MVB12B: variants seen among roughly 807,000 people sequenced by gnomAD.
MVB12B encodes multivesicular body subunit 12B.
MVB12B carries 16 observed loss-of-function variants against 41.6 expected under a neutral mutation model. That is an observed-to-expected ratio of 0.38 (90% CI 0.26 to 0.58). The LOEUF is 0.58. Ranked by LOEUF, MVB12B falls within the 20% of genes least tolerant of loss-of-function variation. The pLI, the probability that MVB12B is intolerant of heterozygous loss-of-function variation, is 0.62. For missense variants in MVB12B, 274 were observed against 380.2 expected (o/e 0.72, Z 2.32); for synonymous variants, 133 against 139.7 (o/e 0.95, Z 0.34).
At chr9:126,398,446 C>T (rs1254027796) in intron 6 of MVB12B, among the ~76,000 whole-genome samples, 2 of 152,158 alleles carry the variant, frequency 1.3e-5, no homozygotes, top group Non-Finnish European at 2.9e-5. Context: ...AACAGGAATT[C>T]CATTTCCCAC....
chr9:126,354,232 T>TATATG (rs1182848153), intron 2 of MVB12B, among the ~76,000 whole-genome samples: 2 of 152,226 alleles, frequency 1.3e-5, no homozygotes, highest in African/African-American at 4.8e-5. Context: ...TTGCCTGTTA[T>TATATG]ATATGTTACA....
intron 9 of MVB12B, among the ~76,000 whole-genome samples, chr9:126,497,625 A>G (rs372842105): frequency 1.5e-4 from 22 of 151,492 alleles, no homozygotes; most frequent in African/African-American, 5.1e-4. Flanking sequence ...CAAGGAATCC[A>G]CCTCATCTCC....
In MVB12B at chr9:126,365,220, ATT is replaced by A. The variant is rs71377933; in HGVS notation, c.205-15827_205-15826del. 2.8e-3 allele frequency among the ~76,000 whole-genome samples: 348 copies of A among 122,602 alleles called. 2 individuals are homozygous for A. Among genetic ancestry groups the A allele is most frequent in the Admixed American group, 4.1e-3 (48 of 11,666 alleles). 80.4% of individuals were successfully genotyped at this position (122,602 alleles called of 152,430 possible). On this transcript the variant is annotated intron_variant, in intron 2 of 9. Transcript: ENST00000361171. ...AGGTGCCTGCCACCACACCCAGCTA[ATT>A]TTTTTTTTTTTTTTTTGTATTTTTA...
At chr9:126,499,991 C>G (rs1309566665) in intron 9 of MVB12B, among the ~76,000 whole-genome samples, 2 of 152,196 alleles carry the variant, frequency 1.3e-5, no homozygotes, top group African/African-American at 4.8e-5. Context: ...ACGACAGCCC[C>G]TCTGCCGAAT....
In MVB12B at chr9:126,376,521, C is replaced by T. The variant is rs1160225414; in HGVS notation, c.205-4543C>T. The stretch of plus-strand genomic sequence containing the variant: ...GCTGGTGTGCTACACAGTGGGGCGA[C>T]GAGCAGGGAGCTGGCTCAGATCGTG... On this transcript the variant is annotated intron_variant, in intron 2 of 9. Coordinates refer to ENST00000361171, the MANE Select transcript of MVB12B (RefSeq NM_033446.3). This position sits in a 1 kb window ranked among gnomAD's most constrained non-coding sequence, Gnocchi z 4.1. The T allele has an allele frequency of 1.6e-6, 2 of 1,289,210 alleles. No individual in the cohort carries two copies. Among genetic ancestry groups the T allele is most frequent in the South Asian group, 1.2e-5 (1 of 81,014 alleles). The allele number at this position is 1,289,210 out of a possible 1,614,324, so 79.9% of individuals were successfully genotyped here. A position where few individuals can be genotyped will look rare whatever the true frequency, so the allele number is the denominator to read the frequency against.
chr9:126,424,637 T>C (rs1832119655), intron 7 of MVB12B, among the ~76,000 whole-genome samples: 1 of 152,254 alleles, frequency 6.6e-6, no homozygotes, highest in Non-Finnish European at 1.5e-5. Context: ...TTTGAGACAC[T>C]GTGCATTCTG....
At chr9:126,357,995 T>G (rs1829927286) in intron 2 of MVB12B, among the ~76,000 whole-genome samples, 2 of 152,202 alleles carry the variant, frequency 1.3e-5, no homozygotes, top group African/African-American at 4.8e-5. Flanking sequence ...TTAATGGTTA[T>G]ATGTGATATG....
Position 126,336,541 on chromosome 9 carries a change from G to A in MVB12B, c.82-3967G>A, listed in dbSNP as rs370704030. ...AACCTTGGCTAGGTGCTGCAGTACCGGGAGCTGGGGCCTCCCCAAGCGCTA... is the reference window on the plus strand; with the variant it reads ...AACCTTGGCTAGGTGCTGCAGTACCAGGAGCTGGGGCCTCCCCAAGCGCTA... On this transcript the variant is annotated intron_variant, in intron 1 of 9. Transcript: ENST00000361171. Among the ~76,000 whole-genome samples the A allele has an allele frequency of 1.6e-4, 25 of 152,288 alleles. No homozygotes were observed. In the East Asian group the frequency reaches 1.9e-3, roughly 12 times the overall value.
chr9:126,364,511 G>T (rs1830111144), intron 2 of MVB12B, among the ~76,000 whole-genome samples: 1 of 152,208 alleles, frequency 6.6e-6, no homozygotes, highest in Non-Finnish European at 1.5e-5. Flanking sequence ...GTAGGAGTGT[G>T]CACGGGGCTG....
Position 126,327,286 on chromosome 9 carries a change from G to C in MVB12B, c.81+276G>C, listed in dbSNP as rs1411573727. 4.2e-5 allele frequency: 41 copies of C among 985,086 alleles called. 1 individual carries two copies. The South Asian group carries it at 1.5e-3, about 37-fold the overall frequency. 61.0% of individuals were successfully genotyped at this position (985,086 alleles called of 1,614,324 possible). A position where few individuals can be genotyped will look rare whatever the true frequency, so the allele number is the denominator to read the frequency against. On this transcript the variant is annotated intron_variant, in intron 1 of 9. Coordinates refer to ENST00000361171, the MANE Select transcript of MVB12B (RefSeq NM_033446.3). ...ACCCGAGTGCCAGCAGCGCCCCCAA[G>C]GCCCGGGCAGGTGAGGGGCGCCGAG... is the stretch of plus-strand genomic sequence containing the variant.
In MVB12B at chr9:126,333,233, C is replaced by T. The variant is rs1016037348; in HGVS notation, c.81+6223C>T. On this transcript the variant is annotated intron_variant, in intron 1 of 9. Coordinates refer to ENST00000361171, the MANE Select transcript of MVB12B (RefSeq NM_033446.3). The surrounding 1 kb of genome is among the most constrained non-coding windows in gnomAD (Gnocchi z 4.7). ...TCCCGAGTAGGTGGGACTACAGGTG[C>T]GTGCCACCATGCCTGGCTAATTTTT... Among the ~76,000 whole-genome samples the T allele has an allele frequency of 5.5e-4, 83 of 152,042 alleles. No homozygotes were observed. The highest frequency in any genetic ancestry group is 2.5e-4 in the Non-Finnish European group (17 of 68,018).
At chr9:126,336,540 C>T (rs1296658411) in intron 1 of MVB12B, among the ~76,000 whole-genome samples, 4 of 152,166 alleles carry the variant, frequency 2.6e-5, no homozygotes, top group Non-Finnish European at 5.9e-5. Flanking sequence ...GCTGCAGTAC[C>T]GGGAGCTGGG....
intron 2 of MVB12B, among the ~76,000 whole-genome samples, chr9:126,370,260 G>C (rs940931252): frequency 6.6e-6 from 1 of 152,040 alleles, no homozygotes; most frequent in Non-Finnish European, 1.5e-5. Context: ...GCAGGTTCAG[G>C]TTTGTACTCC....
intron 9 of MVB12B, among the ~76,000 whole-genome samples, chr9:126,498,535 C>T (rs1833886264): frequency 1.3e-5 from 2 of 152,246 alleles, no homozygotes; most frequent in Admixed American, 6.5e-5. Flanking sequence ...TCATGTCTGT[C>T]GGTCTGGCCC....
intron 2 of MVB12B, among the ~76,000 whole-genome samples, chr9:126,345,766 T>G (rs551134745): frequency 6.6e-6 from 1 of 152,252 alleles, no homozygotes; most frequent in Non-Finnish European, 1.5e-5. Flanking sequence ...TTTGTACCAT[T>G]GTACCTTTAA....
intron 1 of MVB12B, among the ~76,000 whole-genome samples, chr9:126,331,775 C>A (rs1252790509): frequency 6.6e-6 from 1 of 152,210 alleles, no homozygotes; most frequent in Non-Finnish European, 1.5e-5. Context: ...GGGCACCCAT[C>A]CCATTCCTCT....
At chr9:126,377,953 T>TG (rs1434980570) in intron 2 of MVB12B, among the ~76,000 whole-genome samples, 1 of 152,232 alleles carries the variant, frequency 6.6e-6, no homozygotes, top group Non-Finnish European at 1.5e-5. Flanking sequence ...GCAGGCACTT[T>TG]GCATGTTCGT....
chr9:126,445,356 G>T (rs934408905), intron 7 of MVB12B, among the ~76,000 whole-genome samples: 1 of 152,272 alleles, frequency 6.6e-6, no homozygotes, highest in Non-Finnish European at 1.5e-5. Context: ...ACCCAGGCTG[G>T]AGTACAGTGG....
At chr9:126,472,442 G>A (rs1463879404) in intron 7 of MVB12B, among the ~76,000 whole-genome samples, 1 of 143,540 alleles carries the variant, frequency 7.0e-6, no homozygotes, top group African/African-American at 2.6e-5. Flanking sequence ...CCCGAGAATA[G>A]CAAAGACAGG....
Sources: allele counts gnomAD v4.1 joint callset (sites outside exome capture counted in the v4.1 genomes callset), GRCh38; gene constraint gnomAD v4.1.1; non-coding constraint Gnocchi (gnomAD v3.1); transcripts MANE v1.5; gene names NCBI Gene and HGNC (gene_info 2026-07-23, HGNC 2026-07-21).